The following PRKACB variants were observed in gnomAD, a reference collection of about 807,000 sequenced individuals.
PRKACB encodes the protein protein kinase cAMP-activated catalytic subunit beta.
PRKACB carries 16 observed loss-of-function variants against 51.4 expected under a neutral mutation model. That is an observed-to-expected ratio of 0.31 (90% CI 0.21 to 0.47). PRKACB has a LOEUF of 0.47. PRKACB is among the 20% of genes least tolerant of loss of function. PRKACB has a pLI of 1.00. For synonymous variants in PRKACB, 147 were observed against 154.4 expected, an observed-to-expected ratio of 0.95 and a Z score of 0.35; for missense variants, 309 against 464.5, an observed-to-expected ratio of 0.67 and a Z score of 3.08.
At chr1:84,138,637 T>C (rs560043035) in intron 1 of PRKACB, among the ~76,000 whole-genome samples, 1 of 152,326 alleles carries the variant, frequency 6.6e-6, no homozygotes, top group African/African-American at 2.4e-5. Context: ...TCTCACAGTT[T>C]CTTCTGGAAA....
intron 5 of PRKACB, among the ~76,000 whole-genome samples, chr1:84,188,357 G>A (rs1665798422): frequency 6.6e-6 from 1 of 151,262 alleles, no homozygotes; most frequent in Non-Finnish European, 1.5e-5. Flanking sequence ...TTTTTATTTA[G>A]TCTATTGATC....
chr1:84,141,676 A>T (rs895766924), upstream of PRKACB, among the ~76,000 whole-genome samples: 25 of 152,154 alleles, frequency 1.6e-4, no homozygotes, highest in African/African-American at 5.5e-4. Flanking sequence ...TGTTCTAGTT[A>T]GGAATCTGCA....
chr1:84,184,483 A>G (rs1480523668), intron 4 of PRKACB, among the ~76,000 whole-genome samples: 1 of 151,752 alleles, frequency 6.6e-6, no homozygotes, highest in Non-Finnish European at 1.5e-5. Flanking sequence ...TTTTGCCACT[A>G]TCTCATCTTC....
rs936282145 is a variant in PRKACB, at chr1:84,208,227, G to A, written c.906+5422G>A. 2.6e-5 allele frequency among the ~76,000 whole-genome samples: 4 copies of A among 152,270 alleles called. No individual in the cohort carries two copies. The East Asian group carries it at 7.7e-4, about 29-fold the overall frequency. ...ACAACATGAATGGATTTACTTTTTG[G>A]TTGTAACTTCATCTTGAACTTTTAG... On this transcript the variant is annotated intron_variant, in intron 8 of 9. Coordinates refer to ENST00000370685, the MANE Select transcript of PRKACB (RefSeq NM_182948.4).
chr1:84,137,345 G>C (rs1192404666), intron 1 of PRKACB, among the ~76,000 whole-genome samples: 3 of 152,136 alleles, frequency 2.0e-5, no homozygotes, highest in Middle Eastern at 3.2e-3. Context: ...TTCTGGAAAA[G>C]GCAAAACTCA....
At chr1:84,227,244 AAC>A (rs1674767563) in intron 9 of PRKACB, among the ~76,000 whole-genome samples, 1 of 152,114 alleles carries the variant, frequency 6.6e-6, no homozygotes, top group African/African-American at 2.4e-5. Context: ...TATAAATTTT[AAC>A]AGACTAATTC....
At chr1:84,230,829 T>G (rs915419649) in intron 9 of PRKACB, among the ~76,000 whole-genome samples, 6 of 146,880 alleles carry the variant, frequency 4.1e-5, no homozygotes, top group African/African-American at 1.6e-4. Context: ...AAGGAGATTT[T>G]GGGCTGAGAC....
At chr1:84,090,126 A>G (rs1365077192) in intron 1 of PRKACB, among the ~76,000 whole-genome samples, 1 of 152,210 alleles carries the variant, frequency 6.6e-6, no homozygotes, top group African/African-American at 2.4e-5. Flanking sequence ...CAGTTTTACC[A>G]CATTTCTCTG....
intron 8 of PRKACB, among the ~76,000 whole-genome samples, chr1:84,212,487 GA>G (rs1182319724): frequency 6.8e-6 from 1 of 147,744 alleles, no homozygotes; most frequent in African/African-American, 2.7e-5. Context: ...TGAGCTTTTA[GA>G]AAGTCAGAAT....
At chr1:84,234,354 C>T (rs1328788132) in intron 9 of PRKACB, among the ~76,000 whole-genome samples, 1 of 152,198 alleles carries the variant, frequency 6.6e-6, no homozygotes, top group Admixed American at 6.5e-5. Context: ...GCAGAGGTTA[C>T]TGCTGTCTTT....
intron 8 of PRKACB, among the ~76,000 whole-genome samples, chr1:84,206,641 C>T (rs1671380912): frequency 6.6e-6 from 1 of 152,184 alleles, no homozygotes; most frequent in African/African-American, 2.4e-5. Context: ...CCAAAGTTTT[C>T]ATTGGGGGTT....
chr1:84,102,456 T>G (rs1210437958), intron 1 of PRKACB, among the ~76,000 whole-genome samples: 3 of 152,092 alleles, frequency 2.0e-5, no homozygotes, highest in Admixed American at 2.0e-4. Context: ...TACTCTAAAT[T>G]AGACAGTTGG....
At chr1:84,185,669 AC>A (rs1664871722) in intron 5 of PRKACB, among the ~76,000 whole-genome samples, 1 of 152,048 alleles carries the variant, frequency 6.6e-6, no homozygotes, top group African/African-American at 2.4e-5. Context: ...TAAAATATAC[AC>A]ATAATTTAAC....
At chr1:84,112,294 G>A (rs1248598949) in intron 1 of PRKACB, among the ~76,000 whole-genome samples, 1 of 145,976 alleles carries the variant, frequency 6.9e-6, no homozygotes, top group Admixed American at 7.0e-5. Flanking sequence ...GTGCAGTGGT[G>A]CAATCTCAGC....
intron 1 of PRKACB, chr1:84,164,359 T>C (rs934070760): frequency 2.4e-5 from 37 of 1,556,944 alleles, no homozygotes; most frequent in Non-Finnish European, 3.0e-5. Context: ...GCTGGTGTAA[T>C]TGAAAGACGT....
At chr1:84,148,024 A>T (rs12118723) in intron 1 of PRKACB, among the ~76,000 whole-genome samples, 5 of 151,924 alleles carry the variant, frequency 3.3e-5, no homozygotes, top group Non-Finnish European at 7.4e-5. Context: ...TTTACTACAG[A>T]GAAATGTGTA....
rs752183971 is a variant in PRKACB at position 84,093,493 on chromosome 1, C to T, written c.46+15122C>T. The stretch of plus-strand genomic sequence containing the variant: ...GGTTTTGTCTATTTTAGTGTCAGTA[C>T]AAAACTGCATGAATTCATATAACTT... On this transcript the variant is annotated intron_variant, in intron 1 of 8. Transcript: ENST00000370688. 1.7e-4 allele frequency among the ~76,000 whole-genome samples: 26 copies of T among 151,936 alleles called. 1 individual carries two copies. Among genetic ancestry groups the T allele is most frequent in the Non-Finnish European group, 2.9e-4 (20 of 67,908 alleles).
At chr1:84,156,340 G>A (rs887873298) in intron 1 of PRKACB, among the ~76,000 whole-genome samples, 10 of 152,066 alleles carry the variant, frequency 6.6e-5, no homozygotes, top group East Asian at 3.8e-4. Context: ...ACATTGTTTC[G>A]TGATTTAAAA....
chr1:84,203,849 G>C (rs1670831241), intron 8 of PRKACB, among the ~76,000 whole-genome samples: 1 of 151,824 alleles, frequency 6.6e-6, no homozygotes. Flanking sequence ...TTCTTAGGCA[G>C]AGATAAGCCG....
Sources: allele counts gnomAD v4.1 joint callset (sites outside exome capture counted in the v4.1 genomes callset), GRCh38; gene constraint gnomAD v4.1.1; transcripts MANE v1.5; gene names NCBI Gene and HGNC (gene_info 2026-07-23, HGNC 2026-07-21).